CTTNBP2: variants seen among roughly 807,000 people sequenced by gnomAD.
CTTNBP2 encodes the protein cortactin-binding protein 2.
Under a neutral mutation model 156.9 loss-of-function variants are expected in CTTNBP2, and 108 were observed. The observed-to-expected ratio is 0.69, with a 90% CI of 0.59 to 0.81. The LOEUF (loss-of-function observed/expected upper bound fraction) is 0.81. Among genes scored for constraint, CTTNBP2 ranks in the 30% least tolerant of loss-of-function variants. CTTNBP2 has a pLI of 0.00. For missense variants in CTTNBP2, 1,924 were observed against 2,035.4 expected, an observed-to-expected ratio of 0.95 and a Z score of 1.05; for synonymous variants, 767 against 751.8, an observed-to-expected ratio of 1.02 and a Z score of -0.33.
intron 1 of CTTNBP2, among the ~76,000 whole-genome samples, chr7:117,868,150 G>A (rs1013288598): frequency 3.3e-5 from 5 of 152,104 alleles, no homozygotes; most frequent in Non-Finnish European, 5.9e-5. Flanking sequence ...ACATCAGCCC[G>A]ACATGGGACA....
intron 2 of CTTNBP2, among the ~76,000 whole-genome samples, chr7:117,824,706 T>C (rs1432806695): frequency 3.3e-5 from 5 of 152,214 alleles, no homozygotes; most frequent in African/African-American, 1.2e-4. Flanking sequence ...AAGATCTATG[T>C]CCCATTCAAT....
intron 14 of CTTNBP2, among the ~76,000 whole-genome samples, chr7:117,739,603 A>T (rs1310943754): frequency 6.6e-6 from 1 of 152,212 alleles, no homozygotes; most frequent in Non-Finnish European, 1.5e-5. Context: ...AGCCAAACTT[A>T]TCAGTTTAAA....
chr7:117,768,586 A>G (rs1366075352), intron 8 of CTTNBP2, among the ~76,000 whole-genome samples: 3 of 140,406 alleles, frequency 2.1e-5, no homozygotes, highest in Admixed American at 7.0e-5. Flanking sequence ...AAAAAAAAAG[A>G]AAGAAAGAAA....
At chr7:117,851,717 T>G (rs575250273) in intron 2 of CTTNBP2, among the ~76,000 whole-genome samples, 3 of 152,122 alleles carry the variant, frequency 2.0e-5, no homozygotes, top group Admixed American at 6.5e-5. Context: ...CAAACCAAAC[T>G]CACAACTTGT....
intron 19 of CTTNBP2, among the ~76,000 whole-genome samples, chr7:117,721,475 A>G (rs1337130917): frequency 6.6e-6 from 1 of 152,246 alleles, no homozygotes; most frequent in Non-Finnish European, 1.5e-5. Flanking sequence ...TTGTTCTCAA[A>G]GGACCAAAAG....
At chr7:117,837,939 C>T (rs1802050939) in intron 2 of CTTNBP2, among the ~76,000 whole-genome samples, 1 of 152,198 alleles carries the variant, frequency 6.6e-6, no homozygotes, top group Non-Finnish European at 1.5e-5. Flanking sequence ...GCATTTGTGG[C>T]CTCACTACCT....
chr7:117,752,291 C>A (rs558138995), intron 12 of CTTNBP2, among the ~76,000 whole-genome samples: 1 of 152,116 alleles, frequency 6.6e-6, no homozygotes, highest in Non-Finnish European at 1.5e-5. Flanking sequence ...GCACTCAGAT[C>A]AAGATGACCG....
intron 2 of CTTNBP2, among the ~76,000 whole-genome samples, chr7:117,841,072 T>C (rs960946796): frequency 2.0e-5 from 3 of 152,230 alleles, no homozygotes; most frequent in Admixed American, 6.5e-5. Context: ...ATTAATGTGT[T>C]AACTTAAACA....
chr7:117,836,481 A>C (rs141006819), intron 2 of CTTNBP2, among the ~76,000 whole-genome samples: 1 of 152,140 alleles, frequency 6.6e-6, no homozygotes, highest in Non-Finnish European at 1.5e-5. Flanking sequence ...GGAGAATGGC[A>C]TGAACCCAGA....
chr7:117,816,410 C>A (rs570035308), intron 2 of CTTNBP2, among the ~76,000 whole-genome samples: 1 of 152,302 alleles, frequency 6.6e-6, no homozygotes, highest in East Asian at 1.9e-4. Context: ...AAAATGGAAG[C>A]CTTCTCAGTC....
At chr7:117,737,903 T>A (rs1442653664) in intron 14 of CTTNBP2, among the ~76,000 whole-genome samples, 1 of 152,188 alleles carries the variant, frequency 6.6e-6, no homozygotes, top group African/African-American at 2.4e-5. Context: ...GTTTAAGAAA[T>A]GGCACTGGCC....
intron 2 of CTTNBP2, among the ~76,000 whole-genome samples, chr7:117,832,699 A>G (rs932488313): frequency 4.0e-5 from 6 of 150,638 alleles, no homozygotes; most frequent in African/African-American, 1.5e-4. Context: ...GAGACAGCAA[A>G]TGACTACCAA....
chr7:117,757,892 A>T lies in CTTNBP2; in HGVS notation c.3251T>A (p.Ile1084Asn). 1 of 1,610,856 alleles carries T rather than the reference A, an allele frequency of 6.2e-7. No homozygotes were observed. ...ATCCTTACCTGACAAAAGCACAGTG[A>T]TGTGCTCTGCCTTATTCTTCCTCAT... The part of the protein sequence containing the change: ...DFMRKNKAEH[I>N]TVLLSGPQEG... The change falls in exon 11 of 23, where the codon ATC becomes AAC. Residue 1084 changes from isoleucine to asparagine, a missense_variant. Transcript: ENST00000160373.
chr7:117,747,781 A>C (rs1796415043), intron 12 of CTTNBP2, among the ~76,000 whole-genome samples: 1 of 152,170 alleles, frequency 6.6e-6, no homozygotes, highest in Non-Finnish European at 1.5e-5. Context: ...TCAAGGTTAA[A>C]AAGAAAAAAG....
chr7:117,791,504 C>G lies in CTTNBP2; in HGVS notation c.1692G>C (p.Lys564Asn). The change falls in exon 4 of 23, where the codon AAG becomes AAC. Residue 564 changes from lysine to asparagine, a missense_variant. Transcript: ENST00000160373. ...QTPSPPHPQL[K>N]VIIDSSRASN... ...AGGCCCTGCTGCTGTCTATAATAAC[C>G]TTGAGTTGGGGGTGTGGTGGAGAAG... 5 of 1,614,142 alleles carry G rather than the reference C, an allele frequency of 3.1e-6. No homozygotes were observed. Among genetic ancestry groups the G allele is most frequent in the Non-Finnish European group, 4.2e-6 (5 of 1,180,026 alleles).
intron 17 of CTTNBP2, 119 bp from the exon 18 acceptor site, chr7:117,725,376 T>C (rs1795034954): frequency 3.4e-6 from 3 of 869,616 alleles, no homozygotes; most frequent in African/African-American, 1.7e-5. Flanking sequence ...TCTATAGATA[T>C]GCTACCTTTC....
intron 2 of CTTNBP2, among the ~76,000 whole-genome samples, chr7:117,848,382 C>G (rs1427607549): frequency 7.2e-5 from 11 of 152,164 alleles, no homozygotes; most frequent in African/African-American, 2.7e-4. Context: ...TTTGCCCAAG[C>G]ATCCTGCCTC....
intron 14 of CTTNBP2, among the ~76,000 whole-genome samples, chr7:117,743,635 G>A (rs1009813686): frequency 4.6e-5 from 7 of 151,472 alleles, no homozygotes; most frequent in African/African-American, 1.5e-4. Context: ...GGTGGCGAGC[G>A]CCTGTAGCCC....
At position 117,777,705 on chromosome 7, in the gene CTTNBP2, G is replaced by C; in HGVS notation, c.2584C>G (p.Leu862Val). ...TGAGCTGGTATTCTATGGTACATAAGAAGCTTGAGGCTGTCCACATTACCA... is the reference window on the plus strand; with the variant it reads ...TGAGCTGGTATTCTATGGTACATAACAAGCTTGAGGCTGTCCACATTACCA... ...DTGNVDSLKL[L>V]MYHRIPAHGN... is the part of the protein sequence containing the mutation. Residue 862 changes from leucine to valine, a missense_variant, in exon 8 of 23, where the codon CTT (leucine) becomes GTT (valine). Physicochemically the swap from Leu to Val is conservative, Grantham distance 32. Coordinates refer to ENST00000160373, the MANE Select transcript of CTTNBP2 (RefSeq NM_033427.3). The C allele has an allele frequency of 6.2e-7, 1 of 1,614,084 alleles. No individual in the cohort carries two copies. The highest frequency in any genetic ancestry group is 8.5e-7 in the Non-Finnish European group (1 of 1,179,940).
Sources: gnomAD v4.1 joint callset for allele counts (sites outside exome capture counted in the v4.1 genomes callset) on GRCh38, gnomAD v4.1.1 for gene constraint, MANE v1.5 for transcripts, NCBI Gene and HGNC (gene_info 2026-07-23, HGNC 2026-07-21) for gene names.